PRKAR1B: variants seen among roughly 807,000 people sequenced by gnomAD.
PRKAR1B encodes protein kinase cAMP-dependent type I regulatory subunit beta, also known as cAMP-dependent protein kinase type I-beta regulatory subunit.
Under a neutral mutation model 46.5 loss-of-function variants are expected in PRKAR1B, and 22 were observed. The ratio of observed to expected loss-of-function variants is 0.47; its 90% CI spans 0.34 to 0.68. The LOEUF is 0.68. Ranked by LOEUF, PRKAR1B falls within the 30% of genes least tolerant of loss-of-function variation. PRKAR1B has a pLI of 0.01. For synonymous variants in PRKAR1B, 259 were observed against 217.7 expected, an observed-to-expected ratio of 1.19 and a Z score of -1.67; for missense variants, 445 against 535.6, an observed-to-expected ratio of 0.83 and a Z score of 1.67.
intron 2 of PRKAR1B, among the ~76,000 whole-genome samples, chr7:685,246 C>G (rs377044608): frequency 1.0e-5 from 1 of 96,584 alleles, no homozygotes. Flanking sequence ...ACACATATAA[C>G]ACGTTTTATA....
intron 4 of PRKAR1B, among the ~76,000 whole-genome samples, chr7:628,154 C>T (rs1306802346): frequency 1.3e-5 from 2 of 152,254 alleles, no homozygotes. Flanking sequence ...TCAGCCACAT[C>T]AGGCACCCCT....
rs933048757 is a variant in PRKAR1B at position 644,934 on chromosome 7, T to C, written c.440+32295A>G. Among the ~76,000 whole-genome samples the C allele has an allele frequency of 6.6e-6, 1 of 152,166 alleles. No individual in the cohort carries two copies. The highest frequency in any genetic ancestry group is 1.5e-5 in the Non-Finnish European group (1 of 68,022). On this transcript the variant is annotated intron_variant, in intron 4 of 10. Transcript: ENST00000537384. This position sits in a 1 kb window ranked among gnomAD's most constrained non-coding sequence, Gnocchi z 4.9. ...CTCACGATGGGGAGATGTGAGACCC[T>C]GAAAAGGTGACCCAAGACAAGCCTC... is the stretch of plus-strand genomic sequence containing the variant.
At chr7:726,691 T>G in intron 1 of PRKAR1B, 1 of 1,226,230 alleles carries the variant, frequency 8.2e-7, no homozygotes, top group South Asian at 3.9e-5. Flanking sequence ...GAAAGCGCTG[T>G]TCCCCTTAGT....
chr7:632,152 A>G (rs1031631236), intron 4 of PRKAR1B, among the ~76,000 whole-genome samples: 1 of 152,160 alleles, frequency 6.6e-6, no homozygotes, highest in African/African-American at 2.4e-5. Context: ...GGTGCTGGCC[A>G]AGGTCTGTTA....
chr7:632,119 C>T (rs533700384), intron 4 of PRKAR1B, among the ~76,000 whole-genome samples: 9 of 152,206 alleles, frequency 5.9e-5, no homozygotes, highest in African/African-American at 1.7e-4. Flanking sequence ...CCTGCGCACA[C>T]GCAACAGAGC....
At chr7:701,010 G>A (rs1780028204) in intron 2 of PRKAR1B, among the ~76,000 whole-genome samples, 3 of 151,990 alleles carry the variant, frequency 2.0e-5, no homozygotes, top group African/African-American at 7.2e-5. Flanking sequence ...CAACATGGCT[G>A]AACCCCATCT....
chr7:561,344 G>T (rs1015861354), intron 9 of PRKAR1B, among the ~76,000 whole-genome samples: 4 of 152,206 alleles, frequency 2.6e-5, no homozygotes, highest in Non-Finnish European at 4.4e-5. Context: ...CAGGTGCTCT[G>T]TGATTTCTCC....
rs187996726 is a variant in PRKAR1B at position 669,757 on chromosome 7, C to G, written c.440+7472G>C. Among the ~76,000 whole-genome samples the G allele has an allele frequency of 2.0e-3, 300 of 151,082 alleles. 4 individuals are homozygous for G. The highest frequency in any genetic ancestry group is 6.8e-3 in the African/African-American group (281 of 41,170). ...CCAGCCTGGGTGACAGAGTGAGACT[C>G]CATCTCAAAAAAAAAGAAAAGGTTA... On this transcript the variant is annotated intron_variant, in intron 4 of 10. Coordinates refer to ENST00000537384, the MANE Select transcript of PRKAR1B (RefSeq NM_001164760.2).
chr7:609,645 A>C (rs1782362875), intron 4 of PRKAR1B, among the ~76,000 whole-genome samples: 1 of 152,252 alleles, frequency 6.6e-6, no homozygotes, highest in Admixed American at 6.5e-5. Context: ...ACCCTTTCAC[A>C]ATTCTATTCT....
At chr7:552,757 G>C (rs1331803266) in intron 9 of PRKAR1B, among the ~76,000 whole-genome samples, 5 of 152,232 alleles carry the variant, frequency 3.3e-5, no homozygotes, top group African/African-American at 1.2e-4. Flanking sequence ...CGGTATCTTT[G>C]TCACAGGGCT....
chr7:580,904 A>G (rs559068125), intron 8 of PRKAR1B, among the ~76,000 whole-genome samples: 1 of 152,312 alleles, frequency 6.6e-6, no homozygotes, highest in African/African-American at 2.4e-5. Context: ...CGTAGGTTGC[A>G]AAGGAAAATG....
rs968287910 is a variant in PRKAR1B at position 549,506 on chromosome 7, C to T, written c.*924G>A. 1.3e-5 allele frequency: 2 copies of T among 152,406 alleles called. No homozygotes were observed. The highest frequency in any genetic ancestry group is 4.8e-5 in the African/African-American group (2 of 41,468). The allele number at this position is 152,406 out of a possible 1,614,324, so 9.4% of individuals were successfully genotyped here. ...GGGAAGCTTCTCTGCACTGGCCTCA[C>T]CCTTTCGGGCCTGGCTGGCTCACGT... On this transcript the variant is annotated 3_prime_UTR_variant, in exon 11 of 11. Coordinates refer to ENST00000537384, the MANE Select transcript of PRKAR1B (RefSeq NM_001164760.2).
In PRKAR1B at chr7:714,989, C is replaced by G. The variant is rs1015956828; in HGVS notation, c.-22-3462G>C. On this transcript the variant is annotated intron_variant, in intron 1 of 10. Transcript: ENST00000537384. The surrounding 1 kb of genome is among the most constrained non-coding windows in gnomAD (Gnocchi z 4.3). ...TCACTGGAGGTCAGGAGTTCAAGAC[C>G]AGCCTGGGCAACATAGCGAAACCCT... Among the ~76,000 whole-genome samples, 1 of 152,088 alleles carries G rather than the reference C, an allele frequency of 6.6e-6. No individual in the cohort carries two copies. Among genetic ancestry groups the G allele is most frequent in the Non-Finnish European group, 1.5e-5 (1 of 67,998 alleles).
chr7:690,295 C>CA (rs948406327), intron 2 of PRKAR1B, among the ~76,000 whole-genome samples: 89 of 135,732 alleles, frequency 6.6e-4, no homozygotes, highest in African/African-American at 9.2e-4. Context: ...GACTCTGTCT[C>CA]AAAAAAAAAA....
chr7:566,117 AG>A (rs1779109642), intron 9 of PRKAR1B, among the ~76,000 whole-genome samples: 1 of 85,972 alleles, frequency 1.2e-5, no homozygotes, highest in African/African-American at 4.3e-5. Flanking sequence ...AAGCTAAAAA[AG>A]TGTTAGTCAC....
chr7:641,466 T>G (rs1378040615), intron 4 of PRKAR1B, among the ~76,000 whole-genome samples: 1 of 152,216 alleles, frequency 6.6e-6, no homozygotes, highest in Admixed American at 6.5e-5. Flanking sequence ...GCCGTATTGT[T>G]CATAATAGCT....
intron 4 of PRKAR1B, among the ~76,000 whole-genome samples, chr7:626,405 G>GA (rs1474858353): frequency 6.6e-6 from 1 of 152,130 alleles, no homozygotes; most frequent in Non-Finnish European, 1.5e-5. Context: ...TGAGGCCAGA[G>GA]AATCACTTGA....
At chr7:625,349 T>A (rs928686134) in intron 4 of PRKAR1B, among the ~76,000 whole-genome samples, 1 of 152,020 alleles carries the variant, frequency 6.6e-6, no homozygotes, top group African/African-American at 2.4e-5. Context: ...CTTGGGAAAC[T>A]ACAACAAGAA....
At chr7:569,026 G>A (rs1368088735) in intron 9 of PRKAR1B, among the ~76,000 whole-genome samples, 3 of 150,674 alleles carry the variant, frequency 2.0e-5, no homozygotes, top group African/African-American at 7.3e-5. Flanking sequence ...TTTTTTTGGT[G>A]GGGGAGAGGG....
Sources: gnomAD v4.1 joint callset for allele counts (sites outside exome capture counted in the v4.1 genomes callset) on GRCh38, gnomAD v4.1.1 for gene constraint, Gnocchi (gnomAD v3.1) non-coding constraint, MANE v1.5 for transcripts, NCBI Gene and HGNC (gene_info 2026-07-23, HGNC 2026-07-21) for gene names.